The following ATAD2 variants were observed in gnomAD, a reference collection of about 807,000 sequenced individuals.
ATAD2 encodes ATPase family AAA domain containing 2.
A neutral mutation model predicts 168.9 loss-of-function variants in ATAD2; 62 were observed. That is an observed-to-expected ratio of 0.37 (90% confidence interval 0.30 to 0.45). The LOEUF (loss-of-function observed/expected upper bound fraction) is 0.45, where lower values mean the gene tolerates loss of function less well. ATAD2 is among the 20% of genes least tolerant of loss of function. The pLI is 1.00. For synonymous variants in ATAD2, 613 were observed against 571.6 expected (o/e 1.07, Z -1.03); for missense variants, 1,419 against 1,667.8 (o/e 0.85, Z 2.60).
intron 8 of ATAD2, 58 bp from the exon 9 acceptor site, chr8:123,361,704 A>C: frequency 1.4e-6 from 2 of 1,393,860 alleles, no homozygotes; most frequent in Non-Finnish European, 2.0e-6. Flanking sequence ...AAGAAAAGGC[A>C]TAAGAAAAGC....
rs571960725 is a variant in ATAD2, at chr8:123,395,107, C to G, written c.171+1080G>C. The stretch of plus-strand genomic sequence containing the variant: ...ACTTCCACCACACATTTCCCCTGAG[C>G]CTCTCATTCTCATTCCCAAGTTCCC... On this transcript the variant is annotated intron_variant, in intron 1 of 27. Transcript: ENST00000287394. 9.9e-5 allele frequency among the ~76,000 whole-genome samples: 15 copies of G among 152,236 alleles called. 1 individual carries two copies. Among genetic ancestry groups the G allele is most frequent in the Admixed American group, 8.5e-4 (13 of 15,290 alleles).
intron 25 of ATAD2, among the ~76,000 whole-genome samples, chr8:123,327,946 C>A (rs1208581362): frequency 6.6e-6 from 1 of 152,182 alleles, no homozygotes; most frequent in Admixed American, 6.5e-5. Flanking sequence ...AGTTAAGTAT[C>A]TTGCCAAAGG....
chr8:123,341,204 T>C (rs1383878854), intron 19 of ATAD2, among the ~76,000 whole-genome samples: 5 of 152,222 alleles, frequency 3.3e-5, no homozygotes, highest in Non-Finnish European at 7.3e-5. Flanking sequence ...TTTGCAATTA[T>C]ATGCTTAGAA....
chr8:123,400,779 C>T, upstream of ATAD2: 2 of 845,754 alleles, frequency 2.4e-6, no homozygotes, highest in Admixed American at 3.4e-5. This position sits in a 1 kb window ranked among gnomAD's most constrained non-coding sequence, Gnocchi z 4.5. Context: ...TGATCTCCTC[C>T]TCCATGGACA....
chr8:123,392,890 G>A (rs556274722), intron 1 of ATAD2, among the ~76,000 whole-genome samples: 26 of 152,284 alleles, frequency 1.7e-4, no homozygotes, highest in African/African-American at 6.0e-4. Context: ...CTTTTTAAAA[G>A]ATTCACTGCA....
intron 15 of ATAD2, 62 bp downstream of exon 15, chr8:123,348,121 T>G: frequency 7.4e-7 from 1 of 1,348,818 alleles, no homozygotes; most frequent in Non-Finnish European, 1.0e-6. Flanking sequence ...CAACCTAATA[T>G]AACTTGTTTC....
rs34282183 is a variant in ATAD2, at chr8:123,345,506, CAAAAAAAA to C, written c.2533-445_2533-438del. Among the ~76,000 whole-genome samples the C allele has an allele frequency of 1.2e-4, 6 of 50,128 alleles. 1 individual carries two copies. Among genetic ancestry groups the C allele is most frequent in the African/African-American group, 2.4e-4 (5 of 21,158 alleles). The allele number at this position is 50,128 out of a possible 152,430, so 32.9% of individuals were successfully genotyped here. A position where few individuals can be genotyped will look rare whatever the true frequency, so the allele number is the denominator to read the frequency against. On this transcript the variant is annotated intron_variant, in intron 18 of 27. Transcript: ENST00000287394. ...GTGAAACCCCGTCTCTATTAAAATA[CAAAAAAAA>C]AAAAAAAAAAAAATTAGCTGGGTGT... is the stretch of plus-strand genomic sequence containing the variant.
At chr8:123,336,308 AATC>A in intron 22 of ATAD2, 62 bp downstream of exon 22, 1 of 1,417,266 alleles carries the variant, frequency 7.1e-7, no homozygotes, top group East Asian at 2.4e-5. Context: ...CTGACACAAA[AATC>A]AACCCTAAGT....
chr8:123,405,592 C>T (rs138430664), intron 1 of ATAD2, among the ~76,000 whole-genome samples: 4 of 152,292 alleles, frequency 2.6e-5, no homozygotes, highest in African/African-American at 7.2e-5. Flanking sequence ...TTATACTATA[C>T]AAGTAAGTAT....
chr8:123,339,817 C>T (rs1828015929), intron 19 of ATAD2, among the ~76,000 whole-genome samples: 1 of 151,932 alleles, frequency 6.6e-6, no homozygotes, highest in African/African-American at 2.4e-5. Flanking sequence ...GATTAAGGAA[C>T]TAAAAATCAT....
chr8:123,337,337 C>T (rs566342073), intron 21 of ATAD2, among the ~76,000 whole-genome samples: 2 of 151,278 alleles, frequency 1.3e-5, no homozygotes, highest in Non-Finnish European at 2.9e-5. Context: ...CATTCCAGCC[C>T]GGGCAACAGG....
chr8:123,386,458 C>A (rs1586902036), intron 1 of ATAD2, among the ~76,000 whole-genome samples: 1 of 152,082 alleles, frequency 6.6e-6, no homozygotes, highest in Non-Finnish European at 1.5e-5. Context: ...ATTCAGAGAA[C>A]AGTCACATTC....
At chr8:123,409,938 C>CA (rs1253378778) in intron 1 of ATAD2, among the ~76,000 whole-genome samples, 5 of 58,498 alleles carry the variant, frequency 8.5e-5, no homozygotes, top group African/African-American at 1.2e-4. Flanking sequence ...GACTCCATCT[C>CA]GGAAAAAAAA....
intron 14 of ATAD2, among the ~76,000 whole-genome samples, chr8:123,348,837 G>A (rs1180585056): frequency 1.3e-5 from 2 of 152,126 alleles, no homozygotes; most frequent in Non-Finnish European, 2.9e-5. Context: ...TAAGAGAAAA[G>A]TAACTACTAA....
Position 123,328,351 on chromosome 8 carries a change from T to A in ATAD2, c.3707A>T (p.Lys1236Ile). The change falls in exon 25 of 28, where the codon AAA (lysine) becomes ATA (isoleucine). Residue 1236 changes from lysine (K) to isoleucine (I), a missense_variant. Physicochemically the swap from Lys to Ile is moderately radical, Grantham distance 102 (BLOSUM62 -3). This residue lies in a region of ATAD2 where 303 missense variants were observed against 304.3 expected (regional missense o/e 1.00). Transcript: ENST00000287394. ...NEKQQNASES[K>I]LELRNNSNTC... The stretch of plus-strand genomic sequence containing the variant: ...ATTTGAATTATTTCTCAATTCCAGT[T>A]TGCTTTCAGAGGCATTTTGCTGTTT... 6.2e-7 allele frequency: 1 copy of A among 1,607,078 alleles called. No individual in the cohort carries two copies. The highest frequency in any genetic ancestry group is 8.5e-7 in the Non-Finnish European group (1 of 1,177,960).
chr8:123,370,693 T>C (rs947011669), intron 6 of ATAD2, among the ~76,000 whole-genome samples: 3 of 152,146 alleles, frequency 2.0e-5, no homozygotes, highest in Admixed American at 6.5e-5. Flanking sequence ...ACCAATATTA[T>C]TGGCTTTAGA....
At chr8:123,372,556 T>C (rs1829179469) in intron 3 of ATAD2, 81 bp downstream of exon 3, 10 of 1,072,018 alleles carry the variant, frequency 9.3e-6, no homozygotes, top group Admixed American at 2.6e-5. Context: ...ATGTAAAATT[T>C]ATTGTAGGTA....
chr8:123,407,785 G>A (rs1264067514), intron 1 of ATAD2, among the ~76,000 whole-genome samples: 1 of 152,078 alleles, frequency 6.6e-6, no homozygotes. Context: ...CCTAGGAGGC[G>A]GAGGTTGCAG....
chr8:123,396,229 G>T lies in ATAD2; in HGVS notation c.129C>A (p.Gly43=). The T allele has an allele frequency of 6.2e-7, 1 of 1,601,188 alleles. No individual in the cohort carries two copies. ...HIGRRRLRSA[G]AAQKKPAATT... is the part of the protein sequence containing the mutation. ...TCGCCGCGGGTTTCTTCTGCGCCGC[G>T]CCGGCCGAGCGGAGCCGCCTCCGGC... is the stretch of plus-strand genomic sequence containing the variant. Residue 43 remains glycine, a synonymous_variant, in exon 1 of 28, where the codon GGC becomes GGA. Transcript: ENST00000287394.
Sources: allele counts gnomAD v4.1 joint callset (sites outside exome capture counted in the v4.1 genomes callset), GRCh38; gene constraint gnomAD v4.1.1; regional missense constraint gnomAD v4.1.1; non-coding constraint Gnocchi (gnomAD v3.1); transcripts MANE v1.5; gene names NCBI Gene and HGNC (gene_info 2026-07-23, HGNC 2026-07-21).